KIAA1328: variants seen among roughly 807,000 people sequenced by gnomAD.
The protein encoded by KIAA1328 is protein hinderin.
Under a neutral mutation model 68.1 loss-of-function variants are expected in KIAA1328, and 52 were observed. That is an observed-to-expected ratio of 0.76 (90% CI 0.61 to 0.96). KIAA1328 has a LOEUF of 0.96. KIAA1328 is among the 40% of genes least tolerant of loss of function. KIAA1328 has a pLI of 0.00. For missense variants in KIAA1328, 641 were observed against 677.6 expected (o/e 0.95, Z 0.60); for synonymous variants, 232 against 239.4 (o/e 0.97, Z 0.28).
intron 9 of KIAA1328, among the ~76,000 whole-genome samples, chr18:37,211,473 G>A (rs1021161598): frequency 6.6e-6 from 1 of 152,188 alleles, no homozygotes; most frequent in Admixed American, 6.5e-5. Context: ...GGAATATTTT[G>A]TCACTTGCAT....
At chr18:37,169,827 A>C (rs945297216) in intron 8 of KIAA1328, among the ~76,000 whole-genome samples, 24 of 152,242 alleles carry the variant, frequency 1.6e-4, no homozygotes, top group African/African-American at 5.5e-4. Flanking sequence ...GCACACATAT[A>C]TACATTGTTG....
At chr18:36,997,919 G>T (rs1341885826) in intron 6 of KIAA1328, among the ~76,000 whole-genome samples, 1 of 152,118 alleles carries the variant, frequency 6.6e-6, no homozygotes, top group African/African-American at 2.4e-5. Flanking sequence ...ACCAGGACTG[G>T]GGTATGAGAA....
intron 9 of KIAA1328, among the ~76,000 whole-genome samples, chr18:37,218,907 T>C (rs538193931): frequency 3.7e-4 from 56 of 152,348 alleles, no homozygotes; most frequent in African/African-American, 1.1e-3. Context: ...GTTTTTAGAA[T>C]TGTCAGCTTT....
chr18:36,844,101 G>C, intron 3 of KIAA1328, 107 bp from the exon 4 acceptor site: 2 of 667,130 alleles, frequency 3.0e-6, no homozygotes, highest in Non-Finnish European at 5.1e-6. Context: ...AGATAGTGTT[G>C]CACCAGAGAA....
At chr18:37,147,131 G>C (rs563515144) in intron 7 of KIAA1328, among the ~76,000 whole-genome samples, 1 of 152,238 alleles carries the variant, frequency 6.6e-6, no homozygotes, top group Admixed American at 6.5e-5. Flanking sequence ...CTCACCAGGT[G>C]CACATATCCA....
At chr18:37,105,444 A>T (rs1181709791) in intron 7 of KIAA1328, among the ~76,000 whole-genome samples, 2 of 147,306 alleles carry the variant, frequency 1.4e-5, no homozygotes, top group Non-Finnish European at 3.0e-5. Flanking sequence ...TAAGCTATGA[A>T]TGCTGCACTC....
At chr18:37,022,687 A>G (rs2054393775) in intron 6 of KIAA1328, among the ~76,000 whole-genome samples, 1 of 152,150 alleles carries the variant, frequency 6.6e-6, no homozygotes, top group Admixed American at 6.6e-5. Flanking sequence ...GAATCTAGAG[A>G]CCTATCATAG....
chr18:37,220,839 G>A (rs1172466145), intron 9 of KIAA1328, among the ~76,000 whole-genome samples: 1 of 152,092 alleles, frequency 6.6e-6, no homozygotes, highest in Non-Finnish European at 1.5e-5. Context: ...TGGTTGGTTG[G>A]TTTTTTGTTT....
intron 5 of KIAA1328, among the ~76,000 whole-genome samples, chr18:36,908,312 T>G (rs532239187): frequency 1.3e-5 from 2 of 152,266 alleles, no homozygotes; most frequent in Admixed American, 6.5e-5. Flanking sequence ...TTTAGCAACT[T>G]ACAGACAATT....
chr18:36,835,201 A>G, intron 2 of KIAA1328, 33 bp from the exon 3 acceptor site: 1 of 1,600,846 alleles, frequency 6.2e-7, no homozygotes, highest in Non-Finnish European at 8.5e-7. Context: ...AATAAGGTAT[A>G]ATTTTGAAAT....
intron 6 of KIAA1328, among the ~76,000 whole-genome samples, chr18:36,975,978 A>C (rs2052457005): frequency 6.6e-6 from 1 of 152,182 alleles, no homozygotes; most frequent in African/African-American, 2.4e-5. Flanking sequence ...ATGTCATGGG[A>C]TATAAACAAA....
chr18:37,032,187 A>G (rs533315115), intron 6 of KIAA1328, among the ~76,000 whole-genome samples: 5 of 152,254 alleles, frequency 3.3e-5, no homozygotes, highest in South Asian at 4.2e-4. Context: ...CTCAAAAACA[A>G]AAAGTCTACT....
intron 7 of KIAA1328, among the ~76,000 whole-genome samples, chr18:37,126,118 G>A (rs959405424): frequency 1.4e-4 from 22 of 152,092 alleles, no homozygotes; most frequent in Admixed American, 1.2e-3. Context: ...ATTTTGTTTC[G>A]TGTGCAAACT....
At chr18:37,184,029 A>G (rs2059746948) in intron 9 of KIAA1328, among the ~76,000 whole-genome samples, 1 of 152,226 alleles carries the variant, frequency 6.6e-6, no homozygotes, top group Non-Finnish European at 1.5e-5. Context: ...TTCCTGCACT[A>G]GAGCAGAGCC....
intron 5 of KIAA1328, chr18:36,946,491 G>A (rs989587658): frequency 4.6e-5 from 7 of 152,126 alleles, no homozygotes; most frequent in Admixed American, 2.0e-4. Flanking sequence ...TACTGGATCA[G>A]AATTTGCTTT....
chr18:36,829,331 C>G, intron 1 of KIAA1328, 135 bp downstream of exon 1: 2 of 1,398,560 alleles, frequency 1.4e-6, no homozygotes, highest in Non-Finnish European at 1.8e-6. Flanking sequence ...TGCTCGGCCC[C>G]AGTCTAGGTG....
intron 5 of KIAA1328, 122 bp downstream of exon 5, chr18:36,885,794 C>A: frequency 1.7e-6 from 1 of 594,178 alleles, no homozygotes; most frequent in Non-Finnish European, 2.9e-6. Context: ...TTCAGTTCAC[C>A]GCAACCTCCA....
intron 8 of KIAA1328, 75 bp from the exon 9 acceptor site, chr18:37,172,898 A>G (rs903016950): frequency 9.1e-7 from 1 of 1,095,550 alleles, no homozygotes; most frequent in African/African-American, 1.6e-5. Flanking sequence ...ATAATGTCTT[A>G]TAAATTTACT....
intron 5 of KIAA1328, among the ~76,000 whole-genome samples, chr18:36,909,239 C>T (rs906381205): frequency 3.3e-5 from 5 of 151,918 alleles, no homozygotes; most frequent in African/African-American, 9.7e-5. Context: ...CCCATTAACT[C>T]GTCATTTACA....
Sources: allele counts gnomAD v4.1 joint callset (sites outside exome capture counted in the v4.1 genomes callset), GRCh38; gene constraint gnomAD v4.1.1; transcripts MANE v1.5; gene names NCBI Gene and HGNC (gene_info 2026-07-23, HGNC 2026-07-21).